The following GALNT6 variants were observed in gnomAD, a reference collection of about 807,000 sequenced individuals.
The protein encoded by GALNT6 is GalNAc transferase 6.
GALNT6 carries 51 observed loss-of-function variants against 65.9 expected under a neutral mutation model. The observed-to-expected ratio is 0.77, with a 90% CI of 0.62 to 0.98. The LOEUF (loss-of-function observed/expected upper bound fraction) is 0.98. Ranked by LOEUF, GALNT6 falls within the 50% of genes least tolerant of loss-of-function variation. The pLI is 0.00. For synonymous variants in GALNT6, 323 were observed against 315.1 expected, an observed-to-expected ratio of 1.02 and a Z score of -0.26; for missense variants, 708 against 803.3, an observed-to-expected ratio of 0.88 and a Z score of 1.43.
chr12:51,373,989 A>G (rs1947372005), intron 4 of GALNT6, among the ~76,000 whole-genome samples: 1 of 152,066 alleles, frequency 6.6e-6, no homozygotes, highest in African/African-American at 2.4e-5. Flanking sequence ...CCCTCCAAGT[A>G]GCTGGAACCA....
chr12:51,385,152 C>T (rs1229948695), intron 2 of GALNT6, among the ~76,000 whole-genome samples: 1 of 151,982 alleles, frequency 6.6e-6, no homozygotes, highest in African/African-American at 2.4e-5. Context: ...TCAAGACCGG[C>T]TAATTTTTAT....
At chr12:51,359,475 G>A in intron 7 of GALNT6, 143 bp from the exon 8 acceptor site, 2 of 583,034 alleles carry the variant, frequency 3.4e-6, no homozygotes, top group South Asian at 4.7e-5. Flanking sequence ...TGGGAAAAAG[G>A]ATACCGACCA....
chr12:51,364,710 C>G (rs1175152862), intron 5 of GALNT6, among the ~76,000 whole-genome samples: 3 of 152,202 alleles, frequency 2.0e-5, no homozygotes, highest in Admixed American at 6.5e-5. Flanking sequence ...AGAGGGTGTT[C>G]CCCCTCCCAG....
intron 2 of GALNT6, among the ~76,000 whole-genome samples, chr12:51,386,130 C>T (rs1363648661): frequency 1.3e-5 from 2 of 152,240 alleles, no homozygotes; most frequent in African/African-American, 4.8e-5. Flanking sequence ...TCTGCCATTA[C>T]ACATTAGCTT....
intron 4 of GALNT6, 22 bp downstream of exon 4, chr12:51,377,173 C>T (rs767246075): frequency 1.9e-6 from 3 of 1,610,490 alleles, no homozygotes; most frequent in African/African-American, 2.7e-5. Flanking sequence ...CGGCCCCCTC[C>T]TCTGGGCCCC....
At position 51,360,709 on chromosome 12, in the gene GALNT6, C is replaced by A; in HGVS notation, c.1167+12G>T. On this transcript the variant is annotated intron_variant, in intron 7 of 11. Transcript: ENST00000356317. Reference sequence around the variant, plus strand: ...ATGTTGTGGTTCCCCCCAAAGCCCTCTTCACTCTCACCCGGAAGGACATTT... The same window carrying A: ...ATGTTGTGGTTCCCCCCAAAGCCCTATTCACTCTCACCCGGAAGGACATTT... 6.6e-7 allele frequency: 1 copy of A among 1,507,206 alleles called. No individual in the cohort carries two copies. 93.4% of individuals were successfully genotyped at this position (1,507,206 alleles called of 1,614,324 possible).
intron 4 of GALNT6, among the ~76,000 whole-genome samples, chr12:51,373,289 T>C (rs1947346435): frequency 6.6e-6 from 1 of 152,158 alleles, no homozygotes; most frequent in South Asian, 2.1e-4. Context: ...GTAGGTCCCA[T>C]AATCCCCACA....
In GALNT6 at chr12:51,359,209, G is replaced by A. The variant is rs781377371; in HGVS notation, c.1291C>T (p.Leu431=). 2 of 1,614,018 alleles carry A rather than the reference G, an allele frequency of 1.2e-6. No homozygotes were observed. Among genetic ancestry groups the A allele is most frequent in the Non-Finnish European group, 1.7e-6 (2 of 1,179,988 alleles). ...TAGCTGTCCATCCAGACCTCTGCCA[G>A]GCGCACTTGATTGCGAGCAATGACA... ...TSVIARNQVR[L]AEVWMDSYKK... Residue 431 remains leucine, a synonymous_variant, in exon 8 of 12, where the codon CTG becomes TTG. Coordinates refer to ENST00000356317, the MANE Select transcript of GALNT6 (RefSeq NM_007210.4).
rs1450807404 is a variant in GALNT6, at chr12:51,387,010, C to A, written c.-104+3840G>T. 6.6e-6 allele frequency among the ~76,000 whole-genome samples: 1 copy of A among 152,144 alleles called. No homozygotes were observed. The highest frequency in any genetic ancestry group is 2.4e-5 in the African/African-American group (1 of 41,428). On this transcript the variant is annotated intron_variant, in intron 2 of 11. Transcript: ENST00000356317. This position sits in a 1 kb window ranked among gnomAD's most constrained non-coding sequence, Gnocchi z 4.2. ...CAAGACTCAAGCTGCAATACTGTGG[C>A]TTATTTTCCCAGGAAGATACGCTGA...
rs1456879661 is a variant in GALNT6 at position 51,377,268 on chromosome 12, C to A, written c.591G>T (p.Val197=). 3 of 1,613,842 alleles carry A rather than the reference C, an allele frequency of 1.9e-6. No individual in the cohort carries two copies. Among genetic ancestry groups the A allele is most frequent in the Non-Finnish European group, 2.5e-6 (3 of 1,180,038 alleles). ...NEAWSTLLRT[V]YSVLHTTPAI... is the part of the protein sequence containing the mutation. ...CAGGGGTGGTGTGTAGGACGCTGTA[C>A]ACTGTTCGCAGCAGTGTGGACCAGG... The change falls in exon 4 of 12, where the codon GTG becomes GTT. Residue 197 remains valine (V), a synonymous_variant. Coordinates refer to ENST00000356317, the MANE Select transcript of GALNT6 (RefSeq NM_007210.4).
At chr12:51,365,633 C>T (rs921930413) in intron 4 of GALNT6, 54 bp from the exon 5 acceptor site, 2 of 1,564,930 alleles carry the variant, frequency 1.3e-6, no homozygotes, top group Non-Finnish European at 8.7e-7. Context: ...TATACCCAAT[C>T]CCCTGTGGGC....
Position 51,380,798 on chromosome 12 carries a change from A to G in GALNT6, c.-103-914T>C, listed in dbSNP as rs555009775. Among the ~76,000 whole-genome samples the G allele has an allele frequency of 5.3e-5, 8 of 152,332 alleles. No individual in the cohort carries two copies. In the South Asian group the frequency reaches 1.7e-3, roughly 32 times the overall value. On this transcript the variant is annotated intron_variant, in intron 2 of 11. Coordinates refer to ENST00000356317, the MANE Select transcript of GALNT6 (RefSeq NM_007210.4). Reference sequence around the variant, plus strand: ...AGAGCAAGACTCCGTCTCCCCACGAAAAAAAGAAAGCTAAAGAAATGACAT... The same window carrying G: ...AGAGCAAGACTCCGTCTCCCCACGAGAAAAAGAAAGCTAAAGAAATGACAT...
chr12:51,385,669 C>A (rs1304699709), intron 2 of GALNT6, among the ~76,000 whole-genome samples: 1 of 152,172 alleles, frequency 6.6e-6, no homozygotes, highest in Non-Finnish European at 1.5e-5. Context: ...GAATTCATCT[C>A]TTCCCTGCTT....
chr12:51,358,055 T>A, intron 9 of GALNT6, 75 bp downstream of exon 9: 1 of 1,377,252 alleles, frequency 7.3e-7, no homozygotes, highest in South Asian at 1.2e-5. Flanking sequence ...GTCATCCATC[T>A]GTGGGGTCAG....
Position 51,354,426 on chromosome 12 carries a change from C to T in GALNT6, c.1822G>A (p.Ala608Thr). The T allele has an allele frequency of 6.3e-7, 1 of 1,591,334 alleles. No individual in the cohort carries two copies. The highest frequency in any genetic ancestry group is 8.5e-7 in the Non-Finnish European group (1 of 1,171,218). Residue 608 changes from alanine (A) to threonine (T), a missense_variant, in exon 12 of 12, where the codon GCC (alanine) becomes ACC (threonine). Ala to Thr is a moderately conservative substitution (Grantham distance 58). Transcript: ENST00000356317. ...TGGGGGTCACTGGGATTGCAGGGGG[C>T]CATGGCTGGCTTTTTGTCCTGGGAT... ...LTSQDKKPAM[A>T]PCNPSDPHQL...
In GALNT6 at chr12:51,359,204, T is replaced by C. The variant is rs1946843559; in HGVS notation, c.1296A>G (p.Ala432=). ...SVIARNQVRL[A]EVWMDSYKKI... ...TCTTGTAGCTGTCCATCCAGACCTC[T>C]GCCAGGCGCACTTGATTGCGAGCAA... is the stretch of plus-strand genomic sequence containing the variant. The change falls in exon 8 of 12, where the codon GCA becomes GCG. Residue 432 remains alanine, a synonymous_variant. Transcript: ENST00000356317. 2 of 1,614,226 alleles carry C rather than the reference T, an allele frequency of 1.2e-6. No homozygotes were observed. The highest frequency in any genetic ancestry group is 1.7e-6 in the Non-Finnish European group (2 of 1,180,022).
At position 51,364,007 on chromosome 12, in the gene GALNT6, A is replaced by G. The variant is rs1947008495; in HGVS notation, c.1049+114T>C. 7.9e-6 allele frequency: 6 copies of G among 756,092 alleles called. No individual in the cohort carries two copies. The East Asian group carries it at 1.5e-4, about 18-fold the overall frequency. 46.8% of individuals were successfully genotyped at this position (756,092 alleles called of 1,614,324 possible). ...TCATAGGGAGTGAGGATTAATCACA[A>G]TATGTCAAGTGCTTGATAGAGCACC... On this transcript the variant is annotated intron_variant, in intron 6 of 11. Coordinates refer to ENST00000356317, the MANE Select transcript of GALNT6 (RefSeq NM_007210.4).
At chr12:51,364,986 A>T (rs1220687474) in intron 5 of GALNT6, among the ~76,000 whole-genome samples, 1 of 152,126 alleles carries the variant, frequency 6.6e-6, no homozygotes, top group Non-Finnish European at 1.5e-5. Context: ...CACCACTCCT[A>T]GGGAAAATAT....
rs747300 is a variant in GALNT6, at chr12:51,359,233, C to T, written c.1267G>A (p.Val423Ile). 1,979 of 1,614,042 alleles carry T rather than the reference C, an allele frequency of 1.2e-3. 40 individuals carry two copies. In the Admixed American group the frequency reaches 0.032, roughly 26 times the overall value. Reference protein sequence around the residue: ...SPHTFPKGTSVIARNQVRLAE... With the variant: ...SPHTFPKGTSIIARNQVRLAE... The stretch of plus-strand genomic sequence containing the variant: ...AGGCGCACTTGATTGCGAGCAATGA[C>T]ACTAGTGCCCTTGGGGAAGGTGTGG... Residue 423 changes from valine to isoleucine, a missense_variant, in exon 8 of 12, where the codon GTC becomes ATC. By Grantham distance (29) the Val-to-Ile change is conservative. Transcript: ENST00000356317.
Sources: allele counts gnomAD v4.1 joint callset (sites outside exome capture counted in the v4.1 genomes callset), GRCh38; gene constraint gnomAD v4.1.1; non-coding constraint Gnocchi (gnomAD v3.1); transcripts MANE v1.5; gene names NCBI Gene and HGNC (gene_info 2026-07-23, HGNC 2026-07-21).